Variants in ACBD6 observed in about 807,000 individuals in gnomAD.
The protein encoded by ACBD6 is acyl-CoA-binding domain-containing protein 6.
Under a neutral mutation model 37.2 loss-of-function variants are expected in ACBD6, and 28 were observed. The ratio of observed to expected loss-of-function variants is 0.75; its 90% confidence interval spans 0.56 to 1.03. The LOEUF is 1.03. Among genes scored for constraint, ACBD6 ranks in the 50% least tolerant of loss-of-function variants. The probability of loss-of-function intolerance (pLI) is 0.00; values close to 1 mark genes in which losing one functional copy is unlikely to be tolerated. For synonymous variants in ACBD6, 113 were observed against 126.8 expected (o/e 0.89, Z 0.73); for missense variants, 340 against 337.4 (o/e 1.01, Z -0.06).
downstream of ACBD6, among the ~76,000 whole-genome samples, chr1:180,285,049 T>C (rs6655983): frequency 4.8e-3 from 725 of 152,152 alleles, 5 homozygotes; most frequent in African/African-American, 0.016. Flanking sequence ...GGTGGGAGGA[T>C]TGCTTGAGCC....
intron 6 of ACBD6, among the ~76,000 whole-genome samples, chr1:180,324,212 C>G (rs1571360222): frequency 6.6e-6 from 1 of 152,114 alleles, no homozygotes; most frequent in Admixed American, 6.5e-5. Context: ...AGTTTTTAGT[C>G]CATTTACATT....
chr1:180,393,942 T>C (rs371083710), intron 6 of ACBD6, among the ~76,000 whole-genome samples: 4 of 152,222 alleles, frequency 2.6e-5, no homozygotes, highest in African/African-American at 9.6e-5. Flanking sequence ...GAATGTTCTA[T>C]AAAGCCACCT....
Position 180,305,205 on chromosome 1 carries a change from T to G in ACBD6, c.694+9487A>C, listed in dbSNP as rs541119494. On this transcript the variant is annotated intron_variant, in intron 7 of 7. Coordinates refer to ENST00000367595, the MANE Select transcript of ACBD6 (RefSeq NM_032360.4). ...TAGGCATGGGCAAGGACTTCATGTC[T>G]ACAACACCCAAAAGCAATGGCAACA... Among the ~76,000 whole-genome samples the G allele has an allele frequency of 1.8e-4, 27 of 152,254 alleles. No individual in the cohort carries two copies. The South Asian group carries it at 3.3e-3, about 19-fold the overall frequency.
At chr1:180,381,728 A>G (rs1653657159) in intron 6 of ACBD6, among the ~76,000 whole-genome samples, 1 of 152,226 alleles carries the variant, frequency 6.6e-6, no homozygotes, top group Non-Finnish European at 1.5e-5. Flanking sequence ...CAGTGTTAAG[A>G]AGGAAGTTTA....
intron 3 of ACBD6, among the ~76,000 whole-genome samples, chr1:180,471,218 G>A (rs1028409186): frequency 2.6e-5 from 4 of 152,042 alleles, no homozygotes; most frequent in East Asian, 1.9e-4. Context: ...TGGACAACAC[G>A]GCAAAACCAT....
intron 7 of ACBD6, among the ~76,000 whole-genome samples, chr1:180,310,012 C>A (rs1650525712): frequency 1.3e-5 from 2 of 152,060 alleles, no homozygotes; most frequent in Non-Finnish European, 2.9e-5. Context: ...CTGTCTTTTC[C>A]TAGTAAATAT....
At chr1:180,427,703 C>T (rs1405250230) in intron 4 of ACBD6, among the ~76,000 whole-genome samples, 2 of 152,098 alleles carry the variant, frequency 1.3e-5, no homozygotes, top group African/African-American at 4.8e-5. Context: ...GCAGGTGGAT[C>T]ACGAGGTCAA....
intron 6 of ACBD6, among the ~76,000 whole-genome samples, chr1:180,335,442 T>C (rs1571375275): frequency 6.6e-6 from 1 of 151,696 alleles, no homozygotes; most frequent in East Asian, 1.9e-4. Context: ...AATAAAATCC[T>C]TTACAGACAA....
At chr1:180,302,629 G>A (rs1650176564) in intron 7 of ACBD6, among the ~76,000 whole-genome samples, 1 of 151,872 alleles carries the variant, frequency 6.6e-6, no homozygotes, top group Non-Finnish European at 1.5e-5. Flanking sequence ...CCTAGAAAGA[G>A]ACTTAGACTC....
chr1:180,409,317 A>G (rs989338266), intron 5 of ACBD6, among the ~76,000 whole-genome samples: 4 of 152,220 alleles, frequency 2.6e-5, no homozygotes, highest in Non-Finnish European at 4.4e-5. Flanking sequence ...AAAAACTACA[A>G]TTTAAAAAAT....
intron 3 of ACBD6, among the ~76,000 whole-genome samples, chr1:180,459,213 C>T (rs547454970): frequency 6.6e-6 from 1 of 152,260 alleles, no homozygotes; most frequent in Admixed American, 6.5e-5. Context: ...AGTAATTTGG[C>T]TCCAGTTCAA....
At chr1:180,309,652 C>T (rs924008271) in intron 7 of ACBD6, among the ~76,000 whole-genome samples, 1 of 152,128 alleles carries the variant, frequency 6.6e-6, no homozygotes, top group Non-Finnish European at 1.5e-5. Flanking sequence ...AACTCTAGAC[C>T]GTAGGGCAAA....
At chr1:180,395,276 A>C (rs1289399237) in intron 6 of ACBD6, among the ~76,000 whole-genome samples, 1 of 152,024 alleles carries the variant, frequency 6.6e-6, no homozygotes, top group Non-Finnish European at 1.5e-5. Flanking sequence ...TGTGCGTTTG[A>C]AGTGTCTGAG....
At chr1:180,405,722 A>C (rs1056475564) in intron 5 of ACBD6, among the ~76,000 whole-genome samples, 1 of 152,194 alleles carries the variant, frequency 6.6e-6, no homozygotes, top group African/African-American at 2.4e-5. Context: ...AGAATTATGT[A>C]AACATAATTT....
At chr1:180,422,561 A>G (rs773939986) in intron 4 of ACBD6, among the ~76,000 whole-genome samples, 19 of 152,276 alleles carry the variant, frequency 1.2e-4, no homozygotes, top group Non-Finnish European at 2.2e-4. Context: ...TTACCCTGAA[A>G]TGGCAGACAA....
chr1:180,337,432 G>A (rs1651779725), intron 6 of ACBD6, among the ~76,000 whole-genome samples: 1 of 152,064 alleles, frequency 6.6e-6, no homozygotes, highest in African/African-American at 2.4e-5. Context: ...ATGCAGAAAA[G>A]GCCTTTGACA....
At chr1:180,449,539 CT>C (rs957778348) in intron 3 of ACBD6, among the ~76,000 whole-genome samples, 1 of 151,818 alleles carries the variant, frequency 6.6e-6, no homozygotes, top group African/African-American at 2.4e-5. Flanking sequence ...TCCTGAGTAG[CT>C]GGGATTACAG....
At chr1:180,298,752 T>C (rs1292485048) in intron 7 of ACBD6, among the ~76,000 whole-genome samples, 1 of 152,228 alleles carries the variant, frequency 6.6e-6, no homozygotes, top group Non-Finnish European at 1.5e-5. Context: ...GCAAGAAATA[T>C]GGCATTCATA....
At chr1:180,295,525 T>C (rs200003424) in intron 7 of ACBD6, among the ~76,000 whole-genome samples, 1 of 148,622 alleles carries the variant, frequency 6.7e-6, no homozygotes, top group African/African-American at 2.4e-5. Context: ...ATTTTTTTTT[T>C]CAAATTAAAG....
Sources: allele counts gnomAD v4.1 joint callset (sites outside exome capture counted in the v4.1 genomes callset), GRCh38; gene constraint gnomAD v4.1.1; transcripts MANE v1.5; gene names NCBI Gene and HGNC (gene_info 2026-07-23, HGNC 2026-07-21).